MYO5A: variants seen among roughly 807,000 people sequenced by gnomAD.
MYO5A encodes unconventional myosin-Va.
Under a neutral mutation model 249.7 loss-of-function variants are expected in MYO5A, and 98 were observed. That is an observed-to-expected ratio of 0.39 (90% CI 0.33 to 0.46). The LOEUF is 0.46. Among genes scored for constraint, MYO5A ranks in the 20% least tolerant of loss-of-function variants. MYO5A has a pLI of 0.98. For synonymous variants in MYO5A, 778 were observed against 810.6 expected (o/e 0.96, Z 0.68); for missense variants, 1,696 against 2,308.8 (o/e 0.73, Z 5.44).
chr15:52,493,581 G>A lies in MYO5A; in HGVS notation c.27+35199C>T, dbSNP rs60736748. On this transcript the variant is annotated intron_variant, in intron 1 of 41. Transcript: ENST00000399233. ...GGAGGCTGAGGCAAGAGAATCGCTT[G>A]AAGCCGGGAGGCAGAGGTTGCAGTG... Among the ~76,000 whole-genome samples the A allele has an allele frequency of 3.5e-4, 54 of 152,206 alleles. No individual in the cohort carries two copies. The East Asian group carries it at 9.1e-3, about 26-fold the overall frequency.
chr15:52,399,926 G>C (rs2042674099), intron 9 of MYO5A, among the ~76,000 whole-genome samples: 1 of 152,088 alleles, frequency 6.6e-6, no homozygotes, highest in South Asian at 2.1e-4. Context: ...TTCTGTTTTT[G>C]CATAACTTAG....
chr15:52,400,898 T>C (rs1226869234), intron 9 of MYO5A, among the ~76,000 whole-genome samples: 2 of 152,202 alleles, frequency 1.3e-5, no homozygotes, highest in East Asian at 3.8e-4. Flanking sequence ...ACTATTATTA[T>C]TCTAATTAAT....
chr15:52,309,311 G>A lies in MYO5A; in HGVS notation c.*4385C>T, dbSNP rs1192589104. ...AAGCTGAGTTATAGCAAGTAACTAT[G>A]ACAAAAAAGAAAACCACCTGGCGCT... On this transcript the variant is annotated 3_prime_UTR_variant, in exon 42 of 42. Transcript: ENST00000399233. The A allele has an allele frequency of 1.3e-5, 2 of 152,168 alleles. 1 individual carries two copies. Among genetic ancestry groups the A allele is most frequent in the Middle Eastern group, 6.3e-3 (2 of 316 alleles). 9.4% of individuals were successfully genotyped at this position (152,168 alleles called of 1,614,324 possible). A position where few individuals can be genotyped will look rare whatever the true frequency, so the allele number is the denominator to read the frequency against.
chr15:52,347,343 A>G (rs2039690275), intron 29 of MYO5A, among the ~76,000 whole-genome samples: 1 of 152,190 alleles, frequency 6.6e-6, no homozygotes, highest in African/African-American at 2.4e-5. Context: ...TTAAAGCAAA[A>G]AAAGAAACCC....
At chr15:52,483,414 A>T (rs1414136517) in intron 1 of MYO5A, among the ~76,000 whole-genome samples, 1 of 152,144 alleles carries the variant, frequency 6.6e-6, no homozygotes, top group African/African-American at 2.4e-5. Context: ...TATGGCAAGC[A>T]CTGTGAATTA....
intron 40 of MYO5A, 96 bp downstream of exon 40, chr15:52,316,952 C>T (rs2038051509): frequency 1.5e-6 from 2 of 1,339,376 alleles, no homozygotes; most frequent in African/African-American, 1.4e-5. Context: ...GAAGTCAGCT[C>T]AGAGATACAA....
chr15:52,522,574 A>G (rs921248746), intron 1 of MYO5A, among the ~76,000 whole-genome samples: 5 of 152,196 alleles, frequency 3.3e-5, no homozygotes, highest in Non-Finnish European at 5.9e-5. Context: ...TTCACTGGGA[A>G]TTGCCTGAAG....
chr15:52,369,118 A>C (rs754694516), intron 22 of MYO5A, among the ~76,000 whole-genome samples: 1 of 152,168 alleles, frequency 6.6e-6, no homozygotes, highest in Non-Finnish European at 1.5e-5. Flanking sequence ...AGATCTAGAG[A>C]TATAGGAGGA....
intron 1 of MYO5A, among the ~76,000 whole-genome samples, chr15:52,476,901 G>T (rs1183980617): frequency 2.0e-5 from 3 of 152,150 alleles, no homozygotes; most frequent in Non-Finnish European, 4.4e-5. Flanking sequence ...GAGTATCTTT[G>T]TGGTGTTCTC....
intron 4 of MYO5A, 36 bp from the exon 5 acceptor site, chr15:52,416,337 T>C (rs11856752): frequency 1.1e-5 from 17 of 1,599,076 alleles, no homozygotes; most frequent in Admixed American, 1.7e-5. Context: ...GTAACTGCCA[T>C]TGCTGCCTAT....
rs549800378 is a variant in MYO5A, at chr15:52,353,594, C to T, written c.3621+11G>A. ...AAATATTCAAAGTCTTGAGCAGAAA[C>T]TCCCCATTACCTTGAGTGACTCATA... is the stretch of plus-strand genomic sequence containing the variant. On this transcript the variant is annotated intron_variant, in intron 27 of 41. Transcript: ENST00000399233. 27 of 1,612,654 alleles carry T rather than the reference C, an allele frequency of 1.7e-5. No homozygotes were observed. Among genetic ancestry groups the T allele is most frequent in the African/African-American group, 1.6e-4 (12 of 75,026 alleles).
intron 24 of MYO5A, among the ~76,000 whole-genome samples, chr15:52,361,688 T>A (rs1052548393): frequency 1.3e-5 from 2 of 152,270 alleles, no homozygotes; most frequent in Non-Finnish European, 2.9e-5. Context: ...TGTTAACTTC[T>A]GCTGCTGTGA....
chr15:52,324,264 A>G (rs1416469977), intron 36 of MYO5A, among the ~76,000 whole-genome samples: 1 of 152,156 alleles, frequency 6.6e-6, no homozygotes, highest in African/African-American at 2.4e-5. Context: ...TGGGCAGTAC[A>G]GTCAGGGGAA....
At chr15:52,417,625 G>A (rs2043567383) in intron 4 of MYO5A, among the ~76,000 whole-genome samples, 1 of 152,188 alleles carries the variant, frequency 6.6e-6, no homozygotes, top group African/African-American at 2.4e-5. Context: ...GCCTTTAAGA[G>A]CTGATTAGGT....
At chr15:52,497,840 A>G (rs1243209373) in intron 1 of MYO5A, among the ~76,000 whole-genome samples, 1 of 151,888 alleles carries the variant, frequency 6.6e-6, no homozygotes, top group African/African-American at 2.4e-5. Context: ...TTTGGAAATA[A>G]AGCAATTTCT....
At chr15:52,526,815 T>TG in intron 1 of MYO5A, among the ~76,000 whole-genome samples, 1 of 152,170 alleles carries the variant, frequency 6.6e-6, no homozygotes, top group Non-Finnish European at 1.5e-5. Context: ...CAAATTATCC[T>TG]GGGGGAAAAA....
chr15:52,367,108 T>G lies in MYO5A; in HGVS notation c.3083A>C (p.Lys1028Thr), dbSNP rs1261493828. The G allele has an allele frequency of 3.7e-6, 6 of 1,613,502 alleles. No individual in the cohort carries two copies. The highest frequency in any genetic ancestry group is 3.3e-4 in the Middle Eastern group (2 of 6,056). Reference sequence around the variant, plus strand: ...TTGCTTCAGCAAAGTATTTTCTTCCTTCAGATTTGATACCAGCTACGAAAT... The same window carrying G: ...TTGCTTCAGCAAAGTATTTTCTTCCGTCAGATTTGATACCAGCTACGAAAT... ...QETEQLVSNL[K>T]EENTLLKQEK... The change falls in exon 23 of 42, where the codon AAG (lysine) becomes ACG (threonine). Residue 1028 changes from lysine to threonine, a missense_variant. Lys to Thr is a moderately conservative substitution (Grantham distance 78). Around this residue, in one of 5 missense-constraint regions of MYO5A, gnomAD observed 412 missense variants for 453.3 expected, o/e 0.91. Transcript: ENST00000399233.
At chr15:52,423,329 G>A (rs1452429748) in intron 4 of MYO5A, among the ~76,000 whole-genome samples, 1 of 151,922 alleles carries the variant, frequency 6.6e-6, no homozygotes, top group Non-Finnish European at 1.5e-5. Context: ...GAGGTGGGCG[G>A]ATCACGAGGT....
chr15:52,321,635 C>T, intron 37 of MYO5A, 126 bp from the exon 38 acceptor site: 1 of 992,844 alleles, frequency 1.0e-6, no homozygotes, highest in Non-Finnish European at 1.6e-6. Context: ...CCCACTAATG[C>T]CAGGACTGAC....
Sources: gnomAD v4.1 joint callset for allele counts (sites outside exome capture counted in the v4.1 genomes callset) on GRCh38, gnomAD v4.1.1 for gene constraint, gnomAD v4.1.1 regional missense constraint, MANE v1.5 for transcripts, NCBI Gene and HGNC (gene_info 2026-07-23, HGNC 2026-07-21) for gene names.